PPARGC1A: variants seen among roughly 807,000 people sequenced by gnomAD.
The protein encoded by PPARGC1A is PPARG coactivator 1 alpha.
A neutral mutation model predicts 88.7 loss-of-function variants in PPARGC1A; 25 were observed. The observed-to-expected ratio is 0.28, with a 90% CI of 0.21 to 0.39. The LOEUF (loss-of-function observed/expected upper bound fraction) is 0.39. PPARGC1A is among the 10% of genes least tolerant of loss of function. The pLI is 1.00. For missense variants in PPARGC1A, 880 were observed against 968.7 expected (o/e 0.91, Z 1.22); for synonymous variants, 363 against 355.6 (o/e 1.02, Z -0.24).
chr4:24,169,246 C>T, the PPARGC1A span, among the ~76,000 whole-genome samples: 1 of 152,168 alleles, frequency 6.6e-6, no homozygotes, highest in South Asian at 2.1e-4. Flanking sequence ...CTCTCAAGTC[C>T]GTGAAAAACA....
At chr4:24,155,653 CT>C in the PPARGC1A span, among the ~76,000 whole-genome samples, 1 of 151,878 alleles carries the variant, frequency 6.6e-6, no homozygotes, top group Non-Finnish European at 1.5e-5. Context: ...TTCCTGTGCC[CT>C]CATGAAGCTT....
intron 2 of PPARGC1A, among the ~76,000 whole-genome samples, chr4:23,873,585 T>C (rs1487688840): frequency 1.3e-5 from 2 of 150,250 alleles, no homozygotes; most frequent in Non-Finnish European, 3.0e-5. Flanking sequence ...TTTAGTAAGG[T>C]GCAAATTTGG....
At chr4:23,905,237 C>G (rs1209034910), upstream of PPARGC1A, among the ~76,000 whole-genome samples, 1 of 152,206 alleles carries the variant, frequency 6.6e-6, no homozygotes, top group Non-Finnish European at 1.5e-5. Flanking sequence ...AACTCTTGAT[C>G]CTAATTCTCT....
the PPARGC1A span, among the ~76,000 whole-genome samples, chr4:24,023,825 T>A: frequency 1.4e-5 from 2 of 138,112 alleles, no homozygotes; most frequent in African/African-American, 5.2e-5. Context: ...AAATACTAAG[T>A]GGCAAAAGAA....
the PPARGC1A span, among the ~76,000 whole-genome samples, chr4:24,386,081 G>A: frequency 6.6e-6 from 1 of 152,126 alleles, no homozygotes; most frequent in Non-Finnish European, 1.5e-5. Flanking sequence ...TGCAAGGCTG[G>A]TTCAACATAT....
upstream of PPARGC1A, among the ~76,000 whole-genome samples, chr4:23,908,863 C>A (rs527732358): frequency 7.2e-5 from 11 of 152,288 alleles, no homozygotes; most frequent in Non-Finnish European, 1.2e-4. Flanking sequence ...TGTGTATCTG[C>A]AAATGTGTAG....
the PPARGC1A span, among the ~76,000 whole-genome samples, chr4:24,359,396 C>T: frequency 6.6e-6 from 1 of 152,118 alleles, no homozygotes; most frequent in Non-Finnish European, 1.5e-5. Flanking sequence ...TACCTTTATC[C>T]CGGTCTCTAC....
chr4:24,032,782 C>A, the PPARGC1A span, among the ~76,000 whole-genome samples: 1 of 152,202 alleles, frequency 6.6e-6, no homozygotes, highest in Non-Finnish European at 1.5e-5. Flanking sequence ...GCTCAAAGGG[C>A]ATGAACCATG....
the PPARGC1A span, among the ~76,000 whole-genome samples, chr4:24,336,727 T>G: frequency 2.6e-5 from 4 of 152,162 alleles, no homozygotes; most frequent in African/African-American, 9.6e-5. Context: ...TTTTGGTAGA[T>G]AGCTGGCTTT....
At chr4:23,933,748 T>C in the PPARGC1A span, among the ~76,000 whole-genome samples, 3 of 152,342 alleles carry the variant, frequency 2.0e-5, no homozygotes, top group Non-Finnish European at 1.5e-5. Context: ...TTCTTTTATA[T>C]AGAGTTCTTT....
chr4:23,841,361 GT>G (rs1577468939), intron 2 of PPARGC1A, among the ~76,000 whole-genome samples: 1 of 152,132 alleles, frequency 6.6e-6, no homozygotes, highest in East Asian at 1.9e-4. Context: ...TTATCCAGAA[GT>G]TTTTAAACTA....
chr4:24,361,261 T>A, the PPARGC1A span, among the ~76,000 whole-genome samples: 1 of 152,108 alleles, frequency 6.6e-6, no homozygotes, highest in African/African-American at 2.4e-5. Flanking sequence ...GACATCATCA[T>A]CTGATTCAAA....
the PPARGC1A span, among the ~76,000 whole-genome samples, chr4:24,369,308 A>C: frequency 6.6e-6 from 1 of 152,184 alleles, no homozygotes; most frequent in Admixed American, 6.5e-5. Context: ...CTCATGTTCA[A>C]GTCTGAGAAT....
chr4:23,877,838 G>A (rs1715112224), intron 2 of PPARGC1A: 1 of 152,296 alleles, frequency 6.6e-6, no homozygotes, highest in South Asian at 2.1e-4. Context: ...CCAGAGGTGA[G>A]TCATCTGCTG....
At chr4:24,407,942 T>G in the PPARGC1A span, among the ~76,000 whole-genome samples, 1 of 152,160 alleles carries the variant, frequency 6.6e-6, no homozygotes, top group South Asian at 2.1e-4. Context: ...AAAATCTTCT[T>G]CTTAAAAGGC....
intron 7 of PPARGC1A, among the ~76,000 whole-genome samples, chr4:23,819,201 C>T (rs1487963494): frequency 6.6e-6 from 1 of 152,076 alleles, no homozygotes; most frequent in African/African-American, 2.4e-5. Flanking sequence ...CCCTAGTGTT[C>T]TCTCCTTCTG....
chr4:24,194,867 A>C, the PPARGC1A span, among the ~76,000 whole-genome samples: 99 of 152,204 alleles, frequency 6.5e-4, no homozygotes, highest in East Asian at 0.017. Flanking sequence ...ACCAACCAAA[A>C]TCTTTTCCAG....
chr4:24,161,881 T>C, the PPARGC1A span, among the ~76,000 whole-genome samples: 6 of 151,846 alleles, frequency 4.0e-5, no homozygotes, highest in East Asian at 5.8e-4. Context: ...CACATGTTTA[T>C]AGCAGCACAA....
the PPARGC1A span, among the ~76,000 whole-genome samples, chr4:24,464,440 C>T: frequency 2.0e-5 from 3 of 152,170 alleles, no homozygotes; most frequent in Non-Finnish European, 4.4e-5. Flanking sequence ...ATCATAATCA[C>T]TCATTGTTAA....
Sources: allele counts gnomAD v4.1 joint callset (sites outside exome capture counted in the v4.1 genomes callset), GRCh38; gene constraint gnomAD v4.1.1; transcripts MANE v1.5; gene names NCBI Gene and HGNC (gene_info 2026-07-23, HGNC 2026-07-21).